TIAM2: variants seen among roughly 807,000 people sequenced by gnomAD.
TIAM2 encodes TIAM Rac1 associated GEF 2.
Under a neutral mutation model 152.9 loss-of-function variants are expected in TIAM2, and 80 were observed. That is an observed-to-expected ratio of 0.52 (90% confidence interval 0.44 to 0.63). TIAM2 has a LOEUF of 0.63. Ranked by LOEUF, TIAM2 falls within the 30% of genes least tolerant of loss-of-function variation. TIAM2 has a pLI of 0.00. For synonymous variants in TIAM2, 804 were observed against 838.0 expected (o/e 0.96, Z 0.70); for missense variants, 1,965 against 2,120.1 (o/e 0.93, Z 1.44).
chr6:155,233,127 T>C (rs1231062715), intron 15 of TIAM2, among the ~76,000 whole-genome samples: 1 of 152,184 alleles, frequency 6.6e-6, no homozygotes, highest in Non-Finnish European at 1.5e-5. Flanking sequence ...ACGTATTTCA[T>C]GCAGTAGCTA....
At chr6:155,154,003 T>C (rs1158303518) in intron 7 of TIAM2, among the ~76,000 whole-genome samples, 1 of 152,172 alleles carries the variant, frequency 6.6e-6, no homozygotes, top group African/African-American at 2.4e-5. Flanking sequence ...AAATTGCTTT[T>C]ATGAGATATT....
At position 155,256,721 on chromosome 6, in the gene TIAM2, G is replaced by A; in HGVS notation, c.4706G>A (p.Ser1569Asn). The stretch of plus-strand genomic sequence containing the variant: ...CTCATCAAAGAGAGTGACATCCTGA[G>A]CGATGAAGATGATGACCACCGTCAG... ...DNLIKESDIL[S>N]DEDDDHRQTV... is the part of the protein sequence containing the mutation. The change falls in exon 27 of 27, where the codon AGC becomes AAC. Residue 1569 changes from serine to asparagine, a missense_variant. Ser to Asn is a conservative substitution (Grantham distance 46). Coordinates refer to ENST00000682666, the MANE Select transcript of TIAM2 (RefSeq NM_012454.4). The A allele has an allele frequency of 6.2e-7, 1 of 1,614,176 alleles. No individual in the cohort carries two copies. The highest frequency in any genetic ancestry group is 2.2e-5 in the East Asian group (1 of 44,872).
chr6:155,180,082 C>G (rs1325828922), intron 12 of TIAM2, among the ~76,000 whole-genome samples: 1 of 152,152 alleles, frequency 6.6e-6, no homozygotes, highest in East Asian at 1.9e-4. Context: ...GAGTTCGAGA[C>G]CAGCCTGACC....
At chr6:155,145,945 T>C (rs749695283) in intron 6 of TIAM2, among the ~76,000 whole-genome samples, 3 of 152,178 alleles carry the variant, frequency 2.0e-5, no homozygotes, top group Non-Finnish European at 4.4e-5. Flanking sequence ...CTATGATACT[T>C]TAAAGCAAAG....
At chr6:155,039,699 T>C (rs1320751293) in intron 1 of TIAM2, among the ~76,000 whole-genome samples, 1 of 152,146 alleles carries the variant, frequency 6.6e-6, no homozygotes, top group East Asian at 1.9e-4. Context: ...ACTGCATTGT[T>C]GGGGCCCTTC....
At chr6:155,038,649 C>A (rs920765827) in intron 1 of TIAM2, among the ~76,000 whole-genome samples, 3 of 152,100 alleles carry the variant, frequency 2.0e-5, no homozygotes, top group African/African-American at 7.2e-5. Context: ...AAGAGTAGGC[C>A]TGGCTGGGTG....
intron 1 of TIAM2, chr6:155,005,042 G>T: frequency 1.9e-6 from 1 of 515,698 alleles, no homozygotes; most frequent in South Asian, 3.5e-5. Context: ...AACCCATGAT[G>T]AGCCAGTGGA....
intron 1 of TIAM2, among the ~76,000 whole-genome samples, chr6:155,065,446 G>A (rs1338476313): frequency 6.6e-6 from 1 of 151,892 alleles, no homozygotes; most frequent in East Asian, 1.9e-4. Flanking sequence ...AATTTCAACT[G>A]TGTTTTTTTT....
intron 5 of TIAM2, among the ~76,000 whole-genome samples, chr6:155,139,332 A>G (rs1779635030): frequency 6.6e-6 from 1 of 152,158 alleles, no homozygotes; most frequent in African/African-American, 2.4e-5. Flanking sequence ...TCCAAGTGAT[A>G]CCTTTTCCTA....
chr6:155,008,199 A>G (rs570450595), intron 1 of TIAM2, among the ~76,000 whole-genome samples: 1 of 152,304 alleles, frequency 6.6e-6, no homozygotes, highest in African/African-American at 2.4e-5. Flanking sequence ...TCTGTGTGTG[A>G]TAGATGATAA....
At chr6:155,200,087 T>A (rs1230819340) in intron 14 of TIAM2, among the ~76,000 whole-genome samples, 1 of 152,220 alleles carries the variant, frequency 6.6e-6, no homozygotes, top group African/African-American at 2.4e-5. Context: ...TATCTATTAA[T>A]ATACATAGAG....
At chr6:155,231,369 A>G (rs62428921) in intron 15 of TIAM2, among the ~76,000 whole-genome samples, 288 of 152,308 alleles carry the variant, frequency 1.9e-3, no homozygotes, top group Non-Finnish European at 3.5e-3. Context: ...TTGGAGCAGC[A>G]TTTCTTCCTC....
intron 2 of TIAM2, among the ~76,000 whole-genome samples, chr6:155,123,151 A>T (rs1779211751): frequency 6.6e-6 from 1 of 151,346 alleles, no homozygotes; most frequent in South Asian, 2.1e-4. Flanking sequence ...TCTCATAAAT[A>T]TTGGATAAAT....
In TIAM2 at chr6:155,137,400, C is replaced by T. The variant is rs1562328536; in HGVS notation, c.1418C>T (p.Thr473Ile). The change falls in exon 5 of 27, where the codon ACT (threonine) becomes ATT (isoleucine). Residue 473 changes from threonine to isoleucine, a missense_variant. Transcript: ENST00000682666. ...MRELEMSRTN[T>I]ENIETSTETA... The stretch of plus-strand genomic sequence containing the variant: ...GAGTTGGAAATGAGCAGGACCAACA[C>T]TGAGAACATAGAAACATCTACAGAA... 3 of 1,614,204 alleles carry T rather than the reference C, an allele frequency of 1.9e-6. No individual in the cohort carries two copies. The highest frequency in any genetic ancestry group is 1.6e-4 in the Middle Eastern group (1 of 6,062).
At chr6:155,134,905 C>A (rs955023100) in intron 4 of TIAM2, among the ~76,000 whole-genome samples, 5 of 151,986 alleles carry the variant, frequency 3.3e-5, no homozygotes, top group East Asian at 1.9e-4. Flanking sequence ...CGGGGTTTCA[C>A]CGTGTTAGCC....
At chr6:155,201,094 C>T (rs893554289) in intron 14 of TIAM2, among the ~76,000 whole-genome samples, 2 of 152,148 alleles carry the variant, frequency 1.3e-5, no homozygotes, top group Non-Finnish European at 2.9e-5. Flanking sequence ...GCTCCTTTCA[C>T]TTAGCATAAT....
At chr6:155,080,606 AT>A (rs1778041399) in intron 1 of TIAM2, among the ~76,000 whole-genome samples, 1 of 151,652 alleles carries the variant, frequency 6.6e-6, no homozygotes, top group Admixed American at 6.6e-5. Context: ...TGCCCAGCTA[AT>A]TTTTGTATTT....
intron 7 of TIAM2, among the ~76,000 whole-genome samples, chr6:155,151,276 A>T (rs984565502): frequency 1.3e-5 from 2 of 152,204 alleles, no homozygotes; most frequent in African/African-American, 2.4e-5. Flanking sequence ...GTGTCTGGTT[A>T]TCTTGAAGGT....
At chr6:155,121,398 G>C (rs910863272) in intron 2 of TIAM2, among the ~76,000 whole-genome samples, 2 of 152,198 alleles carry the variant, frequency 1.3e-5, no homozygotes, top group African/African-American at 2.4e-5. Context: ...TTCTCAGTCT[G>C]TGAGGTAGTA....
Sources: gnomAD v4.1 joint callset for allele counts (sites outside exome capture counted in the v4.1 genomes callset) on GRCh38, gnomAD v4.1.1 for gene constraint, MANE v1.5 for transcripts, NCBI Gene and HGNC (gene_info 2026-07-23, HGNC 2026-07-21) for gene names.